IGF2BP2: variants seen among roughly 807,000 people sequenced by gnomAD.
IGF2BP2 encodes insulin-like growth factor 2 mRNA-binding protein 2.
In IGF2BP2, 17 loss-of-function variants were observed where a neutral mutation model predicts 75.8. The ratio of observed to expected loss-of-function variants is 0.22; its 90% CI spans 0.15 to 0.34. The LOEUF (loss-of-function observed/expected upper bound fraction) is 0.34, where lower values mean the gene tolerates loss of function less well. Ranked by LOEUF, IGF2BP2 falls within the 10% of genes least tolerant of loss-of-function variation. The pLI is 1.00. For synonymous variants in IGF2BP2, 288 were observed against 295.6 expected (o/e 0.97, Z 0.26); for missense variants, 516 against 772.4 (o/e 0.67, Z 3.93).
chr3:185,821,193 C>T, intron 2 of IGF2BP2: 1 of 1,375,804 alleles, frequency 7.3e-7, no homozygotes, highest in Non-Finnish European at 9.5e-7. Flanking sequence ...AAAATTAAAA[C>T]CATCCAATCA....
In IGF2BP2 at chr3:185,689,470, G is replaced by A. The variant is rs752659015; in HGVS notation, c.562C>T (p.Gln188Ter). The A allele has an allele frequency of 6.2e-7, 1 of 1,613,746 alleles. No homozygotes were observed. The highest frequency in any genetic ancestry group is 1.3e-5 in the African/African-American group (1 of 74,946). ...EQGHAPGGTS[Q>*]ARQIDFPLRI... ...AGCGGGAAATCAATCTGTCTGGCCT[G>A]AGAAGTGCCCCCAGGGGCGTGGCCT... is the stretch of plus-strand genomic sequence containing the variant. The change falls in exon 6 of 16, where the codon CAG (glutamine) becomes TAG (stop). Residue 188 changes from glutamine (Q) to a stop codon, truncating the protein, a stop_gained. Transcript: ENST00000382199. LOFTEE classifies it high-confidence loss of function.
At chr3:185,805,906 G>C (rs1738962743) in intron 2 of IGF2BP2, among the ~76,000 whole-genome samples, 1 of 151,876 alleles carries the variant, frequency 6.6e-6, no homozygotes, top group African/African-American at 2.4e-5. Flanking sequence ...AAGTAGCTGG[G>C]ATTACAGGTG....
chr3:185,779,165 T>C (rs1309542701), intron 2 of IGF2BP2, among the ~76,000 whole-genome samples: 2 of 152,154 alleles, frequency 1.3e-5, no homozygotes, highest in African/African-American at 4.8e-5. Context: ...AATACACTAC[T>C]GATTAAAATA....
At chr3:185,674,128 G>A (rs1220473507) in intron 9 of IGF2BP2, among the ~76,000 whole-genome samples, 1 of 152,218 alleles carries the variant, frequency 6.6e-6, no homozygotes, top group East Asian at 1.9e-4. Flanking sequence ...GGGTACAACA[G>A]AAAGTGCTGC....
chr3:185,810,786 CA>C (rs1459149132), intron 2 of IGF2BP2, among the ~76,000 whole-genome samples: 1 of 148,732 alleles, frequency 6.7e-6, no homozygotes, highest in East Asian at 2.0e-4. Flanking sequence ...AAAAAAACAA[CA>C]AAAAACAAAA....
chr3:185,723,160 T>C (rs1448056237), intron 2 of IGF2BP2, among the ~76,000 whole-genome samples: 1 of 152,212 alleles, frequency 6.6e-6, no homozygotes, highest in Non-Finnish European at 1.5e-5. Context: ...GTGAACATGT[T>C]TATGATTCCA....
chr3:185,759,656 C>G (rs1200594618), intron 2 of IGF2BP2, among the ~76,000 whole-genome samples: 1 of 152,190 alleles, frequency 6.6e-6, no homozygotes, highest in African/African-American at 2.4e-5. Context: ...TGTGGATGAC[C>G]TTACTAGAAT....
chr3:185,696,975 A>G (rs1468728036), intron 3 of IGF2BP2, among the ~76,000 whole-genome samples: 1 of 152,248 alleles, frequency 6.6e-6, no homozygotes, highest in African/African-American at 2.4e-5. Context: ...AATGAGAAGC[A>G]GAATAAAGTA....
intron 2 of IGF2BP2, among the ~76,000 whole-genome samples, chr3:185,749,390 A>T (rs945874172): frequency 6.6e-6 from 1 of 152,244 alleles, no homozygotes; most frequent in African/African-American, 2.4e-5. Context: ...AGAGGAATTA[A>T]AATACACAAT....
intron 2 of IGF2BP2, among the ~76,000 whole-genome samples, chr3:185,736,627 A>G (rs1728883802): frequency 6.6e-6 from 1 of 152,194 alleles, no homozygotes; most frequent in African/African-American, 2.4e-5. Context: ...ACAATAAGAG[A>G]ACATCTCTGC....
chr3:185,661,130 T>C (rs1205792150), intron 10 of IGF2BP2, among the ~76,000 whole-genome samples: 1 of 152,222 alleles, frequency 6.6e-6, no homozygotes, highest in Non-Finnish European at 1.5e-5. Context: ...AATCTTGAAC[T>C]TGCAATCAGG....
At chr3:185,792,900 C>T (rs757510012) in intron 2 of IGF2BP2, among the ~76,000 whole-genome samples, 1 of 152,082 alleles carries the variant, frequency 6.6e-6, no homozygotes, top group African/African-American at 2.4e-5. Context: ...TCCCACACCA[C>T]ACAAGACCCT....
intron 2 of IGF2BP2, chr3:185,716,622 T>C (rs767691129): frequency 3.8e-6 from 2 of 520,040 alleles, no homozygotes; most frequent in Admixed American, 1.9e-5. Flanking sequence ...CGGGGGCAGG[T>C]AGGGAAGCAC....
intron 2 of IGF2BP2, among the ~76,000 whole-genome samples, chr3:185,755,118 G>A (rs1425379672): frequency 6.6e-6 from 1 of 152,094 alleles, no homozygotes; most frequent in African/African-American, 2.4e-5. Context: ...AATCTTCCAG[G>A]TTACCCCTCC....
intron 2 of IGF2BP2, among the ~76,000 whole-genome samples, chr3:185,714,417 G>A (rs766240310): frequency 8.5e-5 from 13 of 152,096 alleles, no homozygotes; most frequent in African/African-American, 2.2e-4. Context: ...CACTTTGCAC[G>A]TGTGAGCATA....
At chr3:185,795,867 CAG>C (rs1323142761) in intron 2 of IGF2BP2, among the ~76,000 whole-genome samples, 2 of 151,862 alleles carry the variant, frequency 1.3e-5, no homozygotes, top group African/African-American at 4.8e-5. Flanking sequence ...GGCTGGGCAA[CAG>C]AGAGAGACTC....
At chr3:185,790,256 G>A (rs1042690079) in intron 2 of IGF2BP2, among the ~76,000 whole-genome samples, 2 of 147,066 alleles carry the variant, frequency 1.4e-5, no homozygotes, top group Non-Finnish European at 3.0e-5. Flanking sequence ...ATAAAGTACT[G>A]TTTAATCATT....
At chr3:185,745,004 T>A (rs534647973) in intron 2 of IGF2BP2, among the ~76,000 whole-genome samples, 39 of 152,320 alleles carry the variant, frequency 2.6e-4, no homozygotes, top group Middle Eastern at 3.4e-3. Flanking sequence ...GGGCCTTTAT[T>A]TCTATTTCAC....
At chr3:185,797,278 T>C (rs987697646) in intron 2 of IGF2BP2, among the ~76,000 whole-genome samples, 3 of 152,162 alleles carry the variant, frequency 2.0e-5, no homozygotes, top group Admixed American at 2.0e-4. Flanking sequence ...TGTAGGAAAG[T>C]GAGGTGGACG....
Sources: gnomAD v4.1 joint callset for allele counts (sites outside exome capture counted in the v4.1 genomes callset) on GRCh38, gnomAD v4.1.1 for gene constraint, MANE v1.5 for transcripts, NCBI Gene and HGNC (gene_info 2026-07-23, HGNC 2026-07-21) for gene names.